Variants in RILPL2 observed in about 807,000 individuals in gnomAD.
RILPL2 encodes the protein Rab interacting lysosomal protein like 2.
A neutral mutation model predicts 22.2 loss-of-function variants in RILPL2; 19 were observed. That is an observed-to-expected ratio of 0.86 (90% CI 0.60 to 1.25). The LOEUF is 1.25. Ranked by LOEUF, RILPL2 falls within the 50% of genes most tolerant of loss-of-function variation. The pLI, the probability that RILPL2 is intolerant of heterozygous loss-of-function variation, is 0.00. For synonymous variants in RILPL2, 123 were observed against 111.6 expected (o/e 1.10, Z -0.64); for missense variants, 243 against 263.6 (o/e 0.92, Z 0.54).
intron 3 of RILPL2, among the ~76,000 whole-genome samples, chr12:123,417,966 CGGGATCTTGCTCTGTCA>C (rs1165534336): frequency 6.6e-6 from 1 of 152,074 alleles, no homozygotes; most frequent in Non-Finnish European, 1.5e-5. Flanking sequence ...TGGTGGGAGA[CGGGATCTTGCTCTGTCA>C]TCCAGGCTGG....
intron 3 of RILPL2, among the ~76,000 whole-genome samples, chr12:123,417,258 T>C (rs1879143812): frequency 2.0e-5 from 3 of 147,406 alleles, no homozygotes; most frequent in Admixed American, 1.4e-4. Context: ...GAGATCAAGC[T>C]ACCGCACACC....
rs201267723 is a variant in RILPL2, at chr12:123,415,860, C to A, written c.*31G>T. The A allele has an allele frequency of 6.2e-7, 1 of 1,612,634 alleles. No homozygotes were observed. The highest frequency in any genetic ancestry group is 1.7e-5 in the Admixed American group (1 of 60,016). On this transcript the variant is annotated 3_prime_UTR_variant, in exon 4 of 4. Transcript: ENST00000280571. ...ATCTTGGAAGGTTGTCTTCTAGAAT[C>A]AGAGCCATAGCCTTACTTGTGGCCT...
In RILPL2 at chr12:123,415,523, C is replaced by G; in HGVS notation, c.*368G>C. 1 of 249,430 alleles carries G rather than the reference C, an allele frequency of 4.0e-6. No individual in the cohort carries two copies. The highest frequency in any genetic ancestry group is 1.2e-4 in the South Asian group (1 of 8,378). 15.5% of individuals were successfully genotyped at this position (249,430 alleles called of 1,614,324 possible). On this transcript the variant is annotated 3_prime_UTR_variant, in exon 4 of 4. Coordinates refer to ENST00000280571, the MANE Select transcript of RILPL2 (RefSeq NM_145058.3). ...GCACATTTTCCTGCTTTCTTTTCTCCCTTCTGCTAACCATTGAAGACCAGG... is the reference window on the plus strand; with the variant it reads ...GCACATTTTCCTGCTTTCTTTTCTCGCTTCTGCTAACCATTGAAGACCAGG...
At chr12:123,424,489 G>A (rs555614653) in intron 2 of RILPL2, among the ~76,000 whole-genome samples, 9 of 152,042 alleles carry the variant, frequency 5.9e-5, no homozygotes, top group Admixed American at 6.6e-5. Context: ...GCACCACCAC[G>A]CCTGGCTAAT....
chr12:123,417,211 A>T (rs1444727606), intron 3 of RILPL2, among the ~76,000 whole-genome samples: 5 of 151,618 alleles, frequency 3.3e-5, no homozygotes, highest in Admixed American at 2.0e-4. Context: ...AGGTGGGAGG[A>T]TCGCTTGAAA....
chr12:123,418,136 A>C (rs1191723202), intron 3 of RILPL2, among the ~76,000 whole-genome samples: 1 of 150,424 alleles, frequency 6.6e-6, no homozygotes, highest in Admixed American at 6.6e-5. Flanking sequence ...AAAGCTCTCT[A>C]TGTTGCCCAG....
chr12:123,411,015 C>T (rs1365009515), downstream of RILPL2: 2 of 152,076 alleles, frequency 1.3e-5, no homozygotes, highest in African/African-American at 4.8e-5. Flanking sequence ...GCGTGAGCCA[C>T]TGTGCCTGAC....
intron 2 of RILPL2, among the ~76,000 whole-genome samples, chr12:123,428,590 C>G (rs1019381406): frequency 6.6e-6 from 1 of 152,198 alleles, no homozygotes; most frequent in South Asian, 2.1e-4. Context: ...AATCATATCA[C>G]TTGGGCTTTG....
At chr12:123,427,678 A>G (rs1307927343) in intron 2 of RILPL2, among the ~76,000 whole-genome samples, 1 of 151,942 alleles carries the variant, frequency 6.6e-6, no homozygotes. Flanking sequence ...AACAGCTGGG[A>G]CTACAGGTAT....
intron 1 of RILPL2, among the ~76,000 whole-genome samples, chr12:123,432,678 A>C (rs551263186): frequency 6.6e-6 from 1 of 152,156 alleles, no homozygotes; most frequent in South Asian, 2.1e-4. Context: ...TTTGCCCCAT[A>C]TGGGAAACTA....
downstream of RILPL2, chr12:123,413,205 C>CA: frequency 6.0e-6 from 1 of 165,730 alleles, no homozygotes; most frequent in Non-Finnish European, 1.3e-5. Context: ...CCACCACCCC[C>CA]CAAAAAAAAG....
intron 2 of RILPL2, among the ~76,000 whole-genome samples, chr12:123,428,632 C>A (rs1386085705): frequency 6.6e-6 from 1 of 152,160 alleles, no homozygotes; most frequent in African/African-American, 2.4e-5. Context: ...GTCCTTAATT[C>A]CAAGCTTTCG....
downstream of RILPL2, chr12:123,414,896 A>T (rs1202341091): frequency 7.1e-6 from 1 of 139,888 alleles, no homozygotes; most frequent in East Asian, 2.2e-4. Context: ...GTGCCACTGC[A>T]CTCCAGACTG....
chr12:123,435,359 C>T (rs542182130), intron 1 of RILPL2, among the ~76,000 whole-genome samples: 1 of 152,170 alleles, frequency 6.6e-6, no homozygotes, highest in Admixed American at 6.6e-5. Context: ...AGAGTGTTTC[C>T]AGTTTGGCAG....
At chr12:123,425,828 A>G (rs1164544762) in intron 2 of RILPL2, among the ~76,000 whole-genome samples, 2 of 150,672 alleles carry the variant, frequency 1.3e-5, no homozygotes, top group Non-Finnish European at 3.0e-5. Flanking sequence ...TTTTTTGTAT[A>G]TTTAGTAGAG....
chr12:123,432,211 A>G (rs1221752948), intron 1 of RILPL2, among the ~76,000 whole-genome samples: 1 of 152,124 alleles, frequency 6.6e-6, no homozygotes. Flanking sequence ...TACAATTTAA[A>G]AAACCAAAAA....
chr12:123,435,718 G>C lies in RILPL2; in HGVS notation c.339+364C>G, dbSNP rs370463881. Among the ~76,000 whole-genome samples the C allele has an allele frequency of 3.2e-4, 48 of 152,278 alleles. No individual in the cohort carries two copies. In the South Asian group the frequency reaches 5.6e-3, roughly 18 times the overall value. Reference sequence around the variant, plus strand: ...TGCACCACTGCACTCTAGCCTGGGAGATAGAGCAGGACCCTGTGTCAAAAG... The same window carrying C: ...TGCACCACTGCACTCTAGCCTGGGACATAGAGCAGGACCCTGTGTCAAAAG... On this transcript the variant is annotated intron_variant, in intron 1 of 3. Transcript: ENST00000280571.
In RILPL2 at chr12:123,430,196, T is replaced by G. The variant is rs542043922; in HGVS notation, c.491+312A>C. ...AGGCCAAGGTGGGCAGATCAGGAGG[T>G]CAGGAGATCGAGACCATTCTGCCTA... On this transcript the variant is annotated intron_variant, in intron 2 of 3. Transcript: ENST00000280571. Among the ~76,000 whole-genome samples the G allele has an allele frequency of 2.6e-3, 330 of 128,750 alleles. 1 individual carries two copies. Among genetic ancestry groups the G allele is most frequent in the African/African-American group, 9.3e-3 (312 of 33,592 alleles). 84.5% of individuals were successfully genotyped at this position (128,750 alleles called of 152,430 possible). A position where few individuals can be genotyped will look rare whatever the true frequency, so the allele number is the denominator to read the frequency against.
At chr12:123,416,499 T>C (rs905056347) in intron 3 of RILPL2, among the ~76,000 whole-genome samples, 8 of 150,482 alleles carry the variant, frequency 5.3e-5, no homozygotes, top group East Asian at 2.0e-4. Context: ...ATTAGCCGGG[T>C]GTGGTGGCGG....
Sources: gnomAD v4.1 joint callset for allele counts (sites outside exome capture counted in the v4.1 genomes callset) on GRCh38, gnomAD v4.1.1 for gene constraint, MANE v1.5 for transcripts, NCBI Gene and HGNC (gene_info 2026-07-23, HGNC 2026-07-21) for gene names.